MRPL14: variants seen among roughly 807,000 people sequenced by gnomAD.
MRPL14 encodes large ribosomal subunit protein uL14m.
Under a neutral mutation model 10.9 loss-of-function variants are expected in MRPL14, and 8 were observed. The observed-to-expected ratio is 0.74, with a 90% CI of 0.43 to 1.33. The LOEUF (loss-of-function observed/expected upper bound fraction) is 1.33, where lower values mean the gene tolerates loss of function less well. MRPL14 is among the 40% of genes most tolerant of loss of function. The pLI is 0.01. For synonymous variants in MRPL14, 82 were observed against 74.1 expected, an observed-to-expected ratio of 1.11 and a Z score of -0.54; for missense variants, 179 against 194.5, an observed-to-expected ratio of 0.92 and a Z score of 0.47.
chr6:44,116,539 A>T lies in MRPL14; in HGVS notation c.71+2T>A. 6.2e-7 allele frequency: 1 copy of T among 1,614,110 alleles called. No individual in the cohort carries two copies. The highest frequency in any genetic ancestry group is 2.2e-5 in the East Asian group (1 of 44,888). Reference sequence around the variant, plus strand: ...TTTTAAGAACTTAATGGGAAAAGTTACCTGAAACAGTGATGGCTCAGCACT... The same window carrying T: ...TTTTAAGAACTTAATGGGAAAAGTTTCCTGAAACAGTGATGGCTCAGCACT... On this transcript the variant is annotated splice_donor_variant, in intron 2 of 2. Transcript: ENST00000372014. LOFTEE classifies it high-confidence loss of function.
intron 1 of MRPL14, among the ~76,000 whole-genome samples, chr6:44,122,475 C>T (rs1776546502): frequency 6.6e-6 from 1 of 152,160 alleles, no homozygotes; most frequent in Non-Finnish European, 1.5e-5. Context: ...AGTACCATTA[C>T]TTTAAGTTTT....
rs1239696964 is a variant in MRPL14 at position 44,117,773 on chromosome 6, TC to T, written c.-18-1145del. The stretch of plus-strand genomic sequence containing the variant: ...CGAACTCCCCAAGCTCAGGTGATCC[TC>T]CCACCTCAGCCTCCCAAGTAGTCAG... On this transcript the variant is annotated intron_variant, in intron 1 of 2. Transcript: ENST00000372014. 7.4e-5 allele frequency among the ~76,000 whole-genome samples: 11 copies of T among 148,426 alleles called. No individual in the cohort carries two copies. In the East Asian group the frequency reaches 2.2e-3, roughly 29 times the overall value.
rs556056129 is a variant in MRPL14 at position 44,116,617 on chromosome 6, C to G, written c.-6G>C. On this transcript the variant is annotated 5_prime_UTR_variant, in exon 2 of 3. Coordinates refer to ENST00000372014, the MANE Select transcript of MRPL14 (RefSeq NM_032111.4). Reference sequence around the variant, plus strand: ...AGCCCAGTAAAGAAAGCCATGGGATCCCAAGATAGATCCTGCAGGAAAAAC... The same window carrying G: ...AGCCCAGTAAAGAAAGCCATGGGATGCCAAGATAGATCCTGCAGGAAAAAC... 2 of 1,613,840 alleles carry G rather than the reference C, an allele frequency of 1.2e-6. No individual in the cohort carries two copies. The highest frequency in any genetic ancestry group is 2.2e-5 in the South Asian group (2 of 91,066).
At chr6:44,123,801 T>C (rs1034479319) in intron 1 of MRPL14, among the ~76,000 whole-genome samples, 2 of 151,926 alleles carry the variant, frequency 1.3e-5, no homozygotes, top group African/African-American at 4.8e-5. Flanking sequence ...AGCTCAGGGG[T>C]TGGGGATTGC....
At chr6:44,118,801 C>T (rs1162979294) in intron 1 of MRPL14, among the ~76,000 whole-genome samples, 1 of 152,042 alleles carries the variant, frequency 6.6e-6, no homozygotes, top group Non-Finnish European at 1.5e-5. Flanking sequence ...CCTGTCTCTA[C>T]TAAAAATACA....
At chr6:44,117,670 T>C (rs1054015110) in intron 1 of MRPL14, among the ~76,000 whole-genome samples, 1 of 151,992 alleles carries the variant, frequency 6.6e-6, no homozygotes, top group African/African-American at 2.4e-5. Flanking sequence ...TCCATACTTT[T>C]TTTTCTTTCC....
intron 1 of MRPL14, among the ~76,000 whole-genome samples, chr6:44,118,119 C>T (rs923969891): frequency 2.0e-5 from 3 of 152,128 alleles, no homozygotes; most frequent in African/African-American, 7.2e-5. Context: ...CAAAAGAAGG[C>T]AGCTAATGTA....
intron 1 of MRPL14, among the ~76,000 whole-genome samples, chr6:44,126,127 C>T (rs1229992087): frequency 6.6e-6 from 1 of 152,184 alleles, no homozygotes; most frequent in African/African-American, 2.4e-5. Context: ...AAAACTCAGG[C>T]AAAGAAAGGC....
intron 1 of MRPL14, among the ~76,000 whole-genome samples, chr6:44,123,893 C>T (rs1253163955): frequency 6.6e-6 from 1 of 152,092 alleles, no homozygotes. Flanking sequence ...AGCAGTAGTA[C>T]TTAGATAGAT....
chr6:44,122,105 C>T (rs1233811170), intron 1 of MRPL14, among the ~76,000 whole-genome samples: 1 of 149,814 alleles, frequency 6.7e-6, no homozygotes, highest in South Asian at 2.2e-4. Context: ...TTTTTGGAGA[C>T]GGAGTCCTGC....
chr6:44,122,965 C>G (rs930094235), intron 1 of MRPL14, among the ~76,000 whole-genome samples: 16 of 152,236 alleles, frequency 1.1e-4, no homozygotes, highest in Admixed American at 2.6e-4. Flanking sequence ...AGACTCATTA[C>G]TGTTTTTGCT....
intron 1 of MRPL14, among the ~76,000 whole-genome samples, chr6:44,122,245 G>C (rs1013002391): frequency 7.2e-5 from 11 of 152,106 alleles, no homozygotes; most frequent in Non-Finnish European, 1.2e-4. Flanking sequence ...ACCAACCCCA[G>C]CTAATTTTTT....
intron 1 of MRPL14, among the ~76,000 whole-genome samples, chr6:44,121,485 TC>T (rs1776407243): frequency 6.6e-6 from 1 of 152,236 alleles, no homozygotes; most frequent in South Asian, 2.1e-4. Flanking sequence ...ACTATGGATT[TC>T]AATGGAATAT....
At chr6:44,121,158 T>C (rs977540488) in intron 1 of MRPL14, among the ~76,000 whole-genome samples, 1 of 152,120 alleles carries the variant, frequency 6.6e-6, no homozygotes, top group Admixed American at 6.5e-5. Flanking sequence ...TTACAAGCAA[T>C]GTCACTCTGG....
intron 2 of MRPL14, among the ~76,000 whole-genome samples, chr6:44,114,702 G>A (rs1171459197): frequency 2.0e-5 from 3 of 152,156 alleles, no homozygotes; most frequent in East Asian, 3.9e-4. Context: ...TCCACCTCCC[G>A]GGTTCACACC....
chr6:44,115,498 C>G (rs779091610), intron 2 of MRPL14, among the ~76,000 whole-genome samples: 3 of 152,126 alleles, frequency 2.0e-5, no homozygotes, highest in African/African-American at 2.4e-5. Context: ...ATATCACCCC[C>G]TAAGCACCTA....
At chr6:44,124,406 T>A (rs574022202) in intron 1 of MRPL14, among the ~76,000 whole-genome samples, 1 of 152,322 alleles carries the variant, frequency 6.6e-6, no homozygotes, top group African/African-American at 2.4e-5. Context: ...AGGGATCATT[T>A]TAATGTGGAC....
At chr6:44,114,393 C>T (rs569012587) in intron 2 of MRPL14, among the ~76,000 whole-genome samples, 184 bp from the exon 3 acceptor site, 2 of 152,318 alleles carry the variant, frequency 1.3e-5, no homozygotes, top group East Asian at 3.9e-4. Context: ...ACAACAGTTT[C>T]CTCACAATTG....
At chr6:44,117,843 T>G (rs1024674758) in intron 1 of MRPL14, among the ~76,000 whole-genome samples, 6 of 66,526 alleles carry the variant, frequency 9.0e-5, no homozygotes, top group East Asian at 8.4e-4. Context: ...TTTTTGTGTT[T>G]TTTTTTTTTT....
Sources: allele counts gnomAD v4.1 joint callset (sites outside exome capture counted in the v4.1 genomes callset), GRCh38; gene constraint gnomAD v4.1.1; transcripts MANE v1.5; gene names NCBI Gene and HGNC (gene_info 2026-07-23, HGNC 2026-07-21).